ATRNL1: variants seen among roughly 807,000 people sequenced by gnomAD.
ATRNL1 encodes attractin-like protein 1.
Under a neutral mutation model 182.7 loss-of-function variants are expected in ATRNL1, and 95 were observed. That is an observed-to-expected ratio of 0.52 (90% CI 0.44 to 0.62). The LOEUF (loss-of-function observed/expected upper bound fraction) is 0.62. Among genes scored for constraint, ATRNL1 ranks in the 20% least tolerant of loss-of-function variants. The probability of loss-of-function intolerance (pLI) is 0.00; values close to 1 mark genes in which losing one functional copy is unlikely to be tolerated. For missense variants in ATRNL1, 1,471 were observed against 1,679.5 expected (o/e 0.88, Z 2.17); for synonymous variants, 576 against 568.3 (o/e 1.01, Z -0.19).
intron 25 of ATRNL1, among the ~76,000 whole-genome samples, chr10:115,533,233 G>A (rs1465981765): frequency 6.0e-5 from 9 of 150,566 alleles, no homozygotes; most frequent in South Asian, 2.1e-4. Flanking sequence ...ATCTGGTCCT[G>A]GACTCTTTTT....
intron 1 of ATRNL1, among the ~76,000 whole-genome samples, chr10:115,103,513 T>C (rs1270461288): frequency 6.6e-6 from 1 of 152,204 alleles, no homozygotes; most frequent in African/African-American, 2.4e-5. Flanking sequence ...TGTGGTTACG[T>C]TATAGGTGTA....
chr10:115,407,985 CTTTTTTTTTTTTTTTT>C (rs71010022), intron 20 of ATRNL1, among the ~76,000 whole-genome samples: 32,124 of 98,196 alleles, frequency 0.33, 4,465 homozygotes, highest in Non-Finnish European at 0.41. Flanking sequence ...ATTTGCATTT[CTTTTTTTTTTTTTTTT>C]TTTTTTTTTT....
At position 115,535,547 on chromosome 10, in the gene ATRNL1, G is replaced by A. The variant is rs537401664; in HGVS notation, c.3717-13911G>A. Among the ~76,000 whole-genome samples the A allele has an allele frequency of 3.3e-3, 499 of 152,048 alleles. 2 individuals carry two copies. The highest frequency in any genetic ancestry group is 0.01 in the Middle Eastern group (3 of 294). On this transcript the variant is annotated intron_variant, in intron 25 of 28. Transcript: ENST00000355044. ...AAAGTTTTCAACTTCTTTGCCTTTG[G>A]TTTGAATATCCTCCTGTAGCTCGGA...
chr10:115,536,025 G>A (rs1554990178), intron 25 of ATRNL1, among the ~76,000 whole-genome samples: 2 of 151,882 alleles, frequency 1.3e-5, no homozygotes, highest in Non-Finnish European at 2.9e-5. Context: ...CCTACTGGGG[G>A]GAGCCTCCCA....
intron 26 of ATRNL1, among the ~76,000 whole-genome samples, chr10:115,647,973 T>C (rs1859739984): frequency 6.6e-6 from 1 of 152,176 alleles, no homozygotes; most frequent in Non-Finnish European, 1.5e-5. Context: ...AATTTTAGTA[T>C]AAGCTGTAAG....
intron 26 of ATRNL1, among the ~76,000 whole-genome samples, chr10:115,704,957 G>A (rs1437263025): frequency 6.6e-6 from 1 of 150,674 alleles, no homozygotes; most frequent in African/African-American, 2.4e-5. Flanking sequence ...CACGTTTCAT[G>A]TGGAAGCCTT....
At chr10:115,398,458 CAT>C (rs1480675461) in intron 20 of ATRNL1, among the ~76,000 whole-genome samples, 1 of 151,888 alleles carries the variant, frequency 6.6e-6, no homozygotes, top group Non-Finnish European at 1.5e-5. Flanking sequence ...CCTAGGCACA[CAT>C]AATTGTGTGG....
In ATRNL1 at chr10:115,682,923, T is replaced by A. The variant is rs912476075; in HGVS notation, c.3796-44325T>A. ...TAGACTGAGATTACTTGGATTTGAA[T>A]TCTGGTTCTGCCTTTTCTAGCTATG... is the stretch of plus-strand genomic sequence containing the variant. On this transcript the variant is annotated intron_variant, in intron 26 of 28. Coordinates refer to ENST00000355044, the MANE Select transcript of ATRNL1 (RefSeq NM_207303.4). Among the ~76,000 whole-genome samples, 7 of 152,290 alleles carry A rather than the reference T, an allele frequency of 4.6e-5. No individual in the cohort carries two copies. In the South Asian group the frequency reaches 1.5e-3, roughly 32 times the overall value.
rs1198756295 is a variant in ATRNL1 at position 115,323,978 on chromosome 10, C to T, written c.3037+8242C>T. 2.7e-5 allele frequency among the ~76,000 whole-genome samples: 4 copies of T among 147,288 alleles called. No individual in the cohort carries two copies. The East Asian group carries it at 6.4e-4, about 23-fold the overall frequency. ...ATTTTTAGTAGCGATGGGGTTTCACCGTGTTAGCCAGGATGGTCTCGATCT... is the reference window on the plus strand; with the variant it reads ...ATTTTTAGTAGCGATGGGGTTTCACTGTGTTAGCCAGGATGGTCTCGATCT... On this transcript the variant is annotated intron_variant, in intron 18 of 28. Coordinates refer to ENST00000355044, the MANE Select transcript of ATRNL1 (RefSeq NM_207303.4).
At chr10:115,804,695 G>A (rs571256024) in intron 27 of ATRNL1, among the ~76,000 whole-genome samples, 1 of 152,248 alleles carries the variant, frequency 6.6e-6, no homozygotes, top group East Asian at 1.9e-4. Flanking sequence ...AAAGGCTCAA[G>A]GATCCTTAAA....
chr10:115,536,397 G>T (rs1554990357), intron 25 of ATRNL1, among the ~76,000 whole-genome samples: 3 of 152,208 alleles, frequency 2.0e-5, no homozygotes, highest in Non-Finnish European at 1.5e-5. Context: ...GACTCCGTGG[G>T]CGTAGGACCC....
intron 28 of ATRNL1, among the ~76,000 whole-genome samples, chr10:115,936,047 T>G (rs1953546627): frequency 6.6e-6 from 1 of 152,232 alleles, no homozygotes; most frequent in Non-Finnish European, 1.5e-5. Flanking sequence ...GAATCTATCT[T>G]TCTAATAATT....
intron 1 of ATRNL1, among the ~76,000 whole-genome samples, chr10:115,119,868 G>A (rs898304727): frequency 6.6e-6 from 1 of 152,174 alleles, no homozygotes; most frequent in South Asian, 2.1e-4. Context: ...TTGTGCAGAT[G>A]AAGTTTAACT....
intron 6 of ATRNL1, among the ~76,000 whole-genome samples, chr10:115,163,001 G>T (rs1846867957): frequency 6.6e-6 from 1 of 151,132 alleles, no homozygotes; most frequent in Non-Finnish European, 1.5e-5. Context: ...CGTGTCTAGA[G>T]TTAGTTTAAG....
intron 5 of ATRNL1, among the ~76,000 whole-genome samples, chr10:115,152,947 A>G (rs1271155307): frequency 6.6e-6 from 1 of 152,100 alleles, no homozygotes; most frequent in Admixed American, 6.5e-5. Context: ...ATTTTGTCAA[A>G]GGCCTTTTCT....
intron 27 of ATRNL1, among the ~76,000 whole-genome samples, chr10:115,790,426 T>A (rs567004918): frequency 3.9e-5 from 6 of 152,148 alleles, no homozygotes; most frequent in Non-Finnish European, 8.8e-5. Context: ...ACTAAATCTT[T>A]CCTCCAAATC....
At chr10:115,346,712 T>C (rs1289599005) in intron 19 of ATRNL1, among the ~76,000 whole-genome samples, 3 of 148,748 alleles carry the variant, frequency 2.0e-5, no homozygotes, top group African/African-American at 7.3e-5. Context: ...TTCAAATCTT[T>C]TACTTATTTT....
At chr10:115,765,598 C>T (rs2960697) in intron 27 of ATRNL1, among the ~76,000 whole-genome samples, 144,696 of 152,276 alleles carry the variant, frequency 0.95, 69,162 homozygotes, top group East Asian at 1. Flanking sequence ...TGTCTTCTTA[C>T]TCTCTTACAT....
At chr10:115,470,922 A>G (rs1332986480) in intron 24 of ATRNL1, among the ~76,000 whole-genome samples, 1 of 150,732 alleles carries the variant, frequency 6.6e-6, no homozygotes, top group East Asian at 1.9e-4. Flanking sequence ...AAATTATAAT[A>G]TTATACAAAA....
Sources: gnomAD v4.1 joint callset for allele counts (sites outside exome capture counted in the v4.1 genomes callset) on GRCh38, gnomAD v4.1.1 for gene constraint, MANE v1.5 for transcripts, NCBI Gene and HGNC (gene_info 2026-07-23, HGNC 2026-07-21) for gene names.